The following PINLYP variants were observed in gnomAD, a reference collection of about 807,000 sequenced individuals.
The protein encoded by PINLYP is phospholipase A2 inhibitor and Ly6/PLAUR domain-containing protein.
PINLYP carries 12 observed loss-of-function variants against 15.8 expected under a neutral mutation model. The ratio of observed to expected loss-of-function variants is 0.76; its 90% confidence interval spans 0.49 to 1.23. The LOEUF (loss-of-function observed/expected upper bound fraction) is 1.23, where lower values mean the gene tolerates loss of function less well. Among genes scored for constraint, PINLYP ranks in the 50% most tolerant of loss-of-function variants. PINLYP has a pLI of 0.00. For synonymous variants in PINLYP, 93 were observed against 97.7 expected (o/e 0.95, Z 0.28); for missense variants, 278 against 264.2 (o/e 1.05, Z -0.36).
In PINLYP at chr19:43,581,785, G is replaced by A. The variant is rs1397292594; in HGVS notation, c.481+82G>A. On this transcript the variant is annotated intron_variant, in intron 5 of 5. Transcript: ENST00000599207. ...GGTTCGATGGGAGGAGAGGGTTCCA[G>A]AGAAGTGGGTGAGGATGTGTTCTGG... 13 of 1,533,386 alleles carry A rather than the reference G, an allele frequency of 8.5e-6. No individual in the cohort carries two copies. The Admixed American group carries it at 2.4e-4, about 28-fold the overall frequency. The allele number at this position is 1,533,386 out of a possible 1,614,324, so 95.0% of individuals were successfully genotyped here. A position where few individuals can be genotyped will look rare whatever the true frequency, so the allele number is the denominator to read the frequency against.
At chr19:43,576,502 C>T (rs1972865897) in exon 1 of PINLYP, among the ~76,000 whole-genome samples, 1 of 152,042 alleles carries the variant, frequency 6.6e-6, no homozygotes, top group African/African-American at 2.4e-5. Flanking sequence ...ACACCCCTAT[C>T]CTGGAGTTCT....
In PINLYP at chr19:43,578,578, T is replaced by C; in HGVS notation, c.71-12T>C. The stretch of plus-strand genomic sequence containing the variant: ...CCCATGACTACAGCCTCGCCCTCTG[T>C]CTACACTGCAGGGTGCCCACTACAC... On this transcript the variant is annotated splice_polypyrimidine_tract_variant and intron_variant, in intron 2 of 5. Transcript: ENST00000599207. 6.5e-7 allele frequency: 1 copy of C among 1,532,202 alleles called. No homozygotes were observed. Among genetic ancestry groups the C allele is most frequent in the Non-Finnish European group, 8.7e-7 (1 of 1,143,784 alleles). 94.9% of individuals were successfully genotyped at this position (1,532,202 alleles called of 1,614,324 possible). A position where few individuals can be genotyped will look rare whatever the true frequency, so the allele number is the denominator to read the frequency against.
At chr19:43,579,528 T>C (rs1375997127) in intron 3 of PINLYP, among the ~76,000 whole-genome samples, 2 of 150,748 alleles carry the variant, frequency 1.3e-5, no homozygotes, top group Admixed American at 6.6e-5. Context: ...ATTACAGGCA[T>C]GAGCTACCGT....
chr19:43,578,306 C>A (rs1229971487), intron 2 of PINLYP, among the ~76,000 whole-genome samples: 2 of 152,192 alleles, frequency 1.3e-5, no homozygotes, highest in African/African-American at 4.8e-5. Context: ...TGCCCCTGAG[C>A]TTTCTCAGCG....
At chr19:43,578,889 T>C (rs1972897968) in intron 3 of PINLYP, 183 bp downstream of exon 3, 2 of 558,362 alleles carry the variant, frequency 3.6e-6, no homozygotes, top group Admixed American at 2.9e-5. Flanking sequence ...AGTGGTGTGA[T>C]AGAAATCATT....
At chr19:43,578,798 C>A in intron 3 of PINLYP, 92 bp downstream of exon 3, 1 of 928,190 alleles carries the variant, frequency 1.1e-6, no homozygotes, top group South Asian at 1.4e-5. Context: ...CATCATGGTT[C>A]TCAAGACGGG....
chr19:43,579,868 C>G (rs1972909369), intron 3 of PINLYP, among the ~76,000 whole-genome samples: 1 of 151,992 alleles, frequency 6.6e-6, no homozygotes, highest in Admixed American at 6.6e-5. Context: ...CACCGCTGCA[C>G]TCCAGCCTGG....
chr19:43,577,545 C>A lies in PINLYP; in HGVS notation c.70+284C>A, dbSNP rs188582773. On this transcript the variant is annotated intron_variant, in intron 2 of 5. Coordinates refer to ENST00000599207, the Ensembl canonical transcript of PINLYP. ...GAAGGATCCCAAACACATCTCAATT[C>A]TAGGAAATCAGATGAGAGCATGGCT... is the stretch of plus-strand genomic sequence containing the variant. Among the ~76,000 whole-genome samples the A allele has an allele frequency of 2.0e-5, 3 of 150,778 alleles. No individual in the cohort carries two copies. The Admixed American group carries it at 2.0e-4, about 10-fold the overall frequency.
chr19:43,577,286 T>C, intron 2 of PINLYP, 25 bp downstream of exon 2: 1 of 1,531,496 alleles, frequency 6.5e-7, no homozygotes, highest in Non-Finnish European at 8.7e-7. Flanking sequence ...ACCTGAACTG[T>C]CTCTGGGACC....
At position 43,578,830 on chromosome 19, in the gene PINLYP, A is replaced by G. The variant is rs777445857; in HGVS notation, c.187+124A>G. On this transcript the variant is annotated intron_variant, in intron 3 of 5. Transcript: ENST00000599207. ...CGGGAGCGTGGGAAGAAATCAGTGG[A>G]GAGCAGGAAAGAGGGAAAGACCATC... 11 of 696,896 alleles carry G rather than the reference A, an allele frequency of 1.6e-5. No homozygotes were observed. The South Asian group carries it at 1.8e-4, about 11-fold the overall frequency. The allele number at this position is 696,896 out of a possible 1,614,324, so 43.2% of individuals were successfully genotyped here. A position where few individuals can be genotyped will look rare whatever the true frequency, so the allele number is the denominator to read the frequency against.
chr19:43,581,312 A>C (rs1464758953), exon 4 of PINLYP: 6 of 1,537,058 alleles, frequency 3.9e-6, no homozygotes, highest in Non-Finnish European at 5.2e-6. Context: ...ACCACATGGT[A>C]ACCAGCTCCT....
At chr19:43,578,254 G>A (rs979627168) in intron 2 of PINLYP, among the ~76,000 whole-genome samples, 1 of 152,126 alleles carries the variant, frequency 6.6e-6, no homozygotes, top group Non-Finnish European at 1.5e-5. Context: ...TGGACCTGAA[G>A]TTTCACAAAA....
upstream of PINLYP, chr19:43,575,557 C>CTA (rs1972850574): frequency 7.4e-7 from 1 of 1,351,956 alleles, no homozygotes. Flanking sequence ...CCTGCGCTGG[C>CTA]TAAAGTGCGC....
intron 3 of PINLYP, 38 bp from the exon 4 acceptor site, chr19:43,581,174 G>C (rs768888763): frequency 1.3e-6 from 2 of 1,527,366 alleles, no homozygotes; most frequent in Non-Finnish European, 1.8e-6. Context: ...CCAGGGAGTG[G>C]TCAGCCAGCA....
rs966509556 is a variant in PINLYP, at chr19:43,581,473, T to C, written c.341-90T>C. On this transcript the variant is annotated intron_variant, in intron 4 of 5. Coordinates refer to ENST00000599207, the Ensembl canonical transcript of PINLYP. ...CTTACCTGTAAAATGCAGTGTCTAT[T>C]AGCAACCCTGGTGTTTCCCGGGGTT... 1.2e-5 allele frequency: 18 copies of C among 1,508,428 alleles called. No homozygotes were observed. In the African/African-American group the frequency reaches 2.3e-4, roughly 20 times the overall value. The allele number at this position is 1,508,428 out of a possible 1,614,324, so 93.4% of individuals were successfully genotyped here.
At chr19:43,581,804 G>A in intron 5 of PINLYP, 64 bp from the exon 6 acceptor site, 1 of 1,534,870 alleles carries the variant, frequency 6.5e-7, no homozygotes, top group African/African-American at 1.4e-5. Flanking sequence ...GTGAGGATGT[G>A]TTCTGGGATT....
At chr19:43,580,523 T>C (rs567970652) in intron 3 of PINLYP, 332 of 980,960 alleles carry the variant, frequency 3.4e-4, no homozygotes, top group Non-Finnish European at 1.1e-4. Context: ...TGGCGGGGAG[T>C]TGAGGAGGCT....
intron 3 of PINLYP, chr19:43,580,747 A>T: frequency 4.4e-6 from 4 of 918,834 alleles, no homozygotes; most frequent in Non-Finnish European, 5.2e-6. Flanking sequence ...CTACCTAAGA[A>T]AGCACTCCAG....
chr19:43,577,001 T>TG (rs34571569), intron 1 of PINLYP, 82 bp downstream of exon 1: 4 of 1,036,990 alleles, frequency 3.9e-6, no homozygotes, highest in East Asian at 2.7e-5. Context: ...TCCATGGAGG[T>TG]GGGGGGCTGG....
Sources: gnomAD v4.1 joint callset for allele counts (sites outside exome capture counted in the v4.1 genomes callset) on GRCh38, gnomAD v4.1.1 for gene constraint, MANE v1.5 for transcripts, NCBI Gene and HGNC (gene_info 2026-07-23, HGNC 2026-07-21) for gene names.